CHD7: variants seen among roughly 807,000 people sequenced by gnomAD.
CHD7 encodes the protein chromodomain helicase DNA binding protein 7.
In CHD7, 24 loss-of-function variants were observed where a neutral mutation model predicts 307.3. That is an observed-to-expected ratio of 0.08 (90% CI 0.06 to 0.11). The LOEUF is 0.11. Ranked by LOEUF, CHD7 falls within the 10% of genes least tolerant of loss-of-function variation. CHD7 has a pLI of 1.00. For synonymous variants in CHD7, 1,363 were observed against 1,349.9 expected (o/e 1.01, Z -0.21); for missense variants, 3,106 against 3,727.1 (o/e 0.83, Z 4.34).
intron 1 of CHD7, among the ~76,000 whole-genome samples, chr8:60,715,816 C>A (rs541966617): frequency 2.0e-5 from 3 of 152,170 alleles, no homozygotes; most frequent in Admixed American, 1.3e-4. Flanking sequence ...TGGAAAAAAA[C>A]CCTAAACTTG....
intron 2 of CHD7, among the ~76,000 whole-genome samples, chr8:60,747,138 G>A (rs182964260): frequency 3.3e-5 from 5 of 152,258 alleles, no homozygotes; most frequent in African/African-American, 1.2e-4. Flanking sequence ...GGGCAGTGGC[G>A]CGTTCTTGGC....
intron 2 of CHD7, among the ~76,000 whole-genome samples, chr8:60,750,061 A>T (rs1402509374): frequency 6.6e-6 from 1 of 152,232 alleles, no homozygotes; most frequent in Non-Finnish European, 1.5e-5. Flanking sequence ...CATAGTCTGA[A>T]AGCATGAATG....
At chr8:60,779,620 G>A (rs912261655) in intron 2 of CHD7, among the ~76,000 whole-genome samples, 2 of 152,148 alleles carry the variant, frequency 1.3e-5, no homozygotes, top group Non-Finnish European at 1.5e-5. Context: ...TATTGGAATC[G>A]AATTTACAGT....
At chr8:60,740,518 G>A (rs989678070) in intron 1 of CHD7, among the ~76,000 whole-genome samples, 2 of 152,172 alleles carry the variant, frequency 1.3e-5, no homozygotes, top group Non-Finnish European at 2.9e-5. Context: ...AGCCATGAGT[G>A]AAATTGGTCG....
intron 2 of CHD7, among the ~76,000 whole-genome samples, chr8:60,746,094 C>T (rs1002825792): frequency 1.3e-5 from 2 of 152,080 alleles, no homozygotes; most frequent in African/African-American, 2.4e-5. Flanking sequence ...GAGTCAGTGG[C>T]GCAATCTTGG....
chr8:60,757,393 T>G (rs1432084543), intron 2 of CHD7, among the ~76,000 whole-genome samples: 2 of 152,220 alleles, frequency 1.3e-5, no homozygotes, highest in Admixed American at 6.5e-5. Flanking sequence ...CTTTTTTGTC[T>G]CCTAAGAGAA....
chr8:60,781,481 T>C, intron 3 of CHD7, 51 bp downstream of exon 3: 1 of 1,476,784 alleles, frequency 6.8e-7, no homozygotes. Flanking sequence ...GTACAGAAAT[T>C]AGCGCCAAAT....
chr8:60,729,914 AC>A (rs1308275625), intron 1 of CHD7, among the ~76,000 whole-genome samples: 2 of 152,238 alleles, frequency 1.3e-5, no homozygotes, highest in African/African-American at 4.8e-5. Flanking sequence ...AAGTTTACTT[AC>A]AAGTTAGATT....
At chr8:60,761,467 A>G (rs962081855) in intron 2 of CHD7, among the ~76,000 whole-genome samples, 1 of 152,070 alleles carries the variant, frequency 6.6e-6, no homozygotes, top group Admixed American at 6.6e-5. Context: ...CATTGTGCAC[A>G]TGTACCCTAA....
intron 2 of CHD7, among the ~76,000 whole-genome samples, chr8:60,744,893 C>T (rs573545192): frequency 4.7e-5 from 7 of 150,410 alleles, no homozygotes; most frequent in Admixed American, 1.3e-4. Context: ...TTTAGATTCA[C>T]GCAGGCATTT....
In CHD7 at chr8:60,832,502, A is replaced by G. The variant is rs555257610; in HGVS notation, c.3778+1925A>G. 6.6e-5 allele frequency among the ~76,000 whole-genome samples: 10 copies of G among 152,310 alleles called. No homozygotes were observed. In the South Asian group the frequency reaches 1.9e-3, roughly 28 times the overall value. On this transcript the variant is annotated intron_variant, in intron 15 of 37. Transcript: ENST00000423902. ...GGCGAGACAGAGCTTAGGGCAACTG[A>G]TGGAGCGAGATGAGGACACGTGTGT...
chr8:60,828,872 T>C (rs1454683838), intron 14 of CHD7, 66 bp downstream of exon 14: 1 of 1,415,734 alleles, frequency 7.1e-7, no homozygotes, highest in Admixed American at 1.9e-5. Flanking sequence ...AATGGCAAAG[T>C]ATTAAGTTAT....
intron 34 of CHD7, among the ~76,000 whole-genome samples, chr8:60,859,444 T>C (rs1805863667): frequency 6.6e-6 from 1 of 152,242 alleles, no homozygotes; most frequent in Non-Finnish European, 1.5e-5. Flanking sequence ...TGACAAGTGC[T>C]TGCACTGGAG....
intron 8 of CHD7, among the ~76,000 whole-genome samples, chr8:60,816,728 C>T (rs950148080): frequency 6.6e-6 from 1 of 152,040 alleles, no homozygotes; most frequent in South Asian, 2.1e-4. Flanking sequence ...GTGGAAATAG[C>T]GGTGATGGTA....
intron 1 of CHD7, among the ~76,000 whole-genome samples, chr8:60,704,978 A>G (rs548887639): frequency 7.2e-5 from 11 of 152,304 alleles, no homozygotes; most frequent in Non-Finnish European, 1.5e-4. Context: ...CCAGTCACCA[A>G]CATGTAGGCT....
At position 60,743,013 on chromosome 8, in the gene CHD7, T is replaced by G; in HGVS notation, c.1581T>G (p.Ser527=). 1 of 1,613,770 alleles carries G rather than the reference T, an allele frequency of 6.2e-7. No homozygotes were observed. The highest frequency in any genetic ancestry group is 2.2e-5 in the East Asian group (1 of 44,886). Residue 527 remains serine (S), a synonymous_variant, in exon 2 of 38, where the codon TCT becomes TCG. Coordinates refer to ENST00000423902, the MANE Select transcript of CHD7 (RefSeq NM_017780.4). ...LQPHPGLHHQ[S]SPPHPHHQPW... is the part of the protein sequence containing the mutation. Reference sequence around the variant, plus strand: ...CTCACCCGGGCTTGCACCACCAGTCTTCACCTCCACACCCTCATCACCAGC... The same window carrying G: ...CTCACCCGGGCTTGCACCACCAGTCGTCACCTCCACACCCTCATCACCAGC...
At chr8:60,848,687 C>T in intron 24 of CHD7, 83 bp downstream of exon 24, 1 of 1,056,534 alleles carries the variant, frequency 9.5e-7, no homozygotes, top group Non-Finnish European at 1.4e-6. Flanking sequence ...GTTTCAGAAC[C>T]TTCATAAACC....
chr8:60,790,436 T>C (rs1003901614), intron 3 of CHD7, among the ~76,000 whole-genome samples: 3 of 152,242 alleles, frequency 2.0e-5, no homozygotes, highest in Admixed American at 1.3e-4. Context: ...GATGGTATTC[T>C]TTTCTGTTGG....
intron 2 of CHD7, among the ~76,000 whole-genome samples, chr8:60,774,984 T>C (rs544381646): frequency 1.3e-5 from 2 of 152,250 alleles, no homozygotes; most frequent in South Asian, 4.1e-4. Context: ...ACATGACTGC[T>C]TGGTTCATTA....
Sources: allele counts gnomAD v4.1 joint callset (sites outside exome capture counted in the v4.1 genomes callset), GRCh38; gene constraint gnomAD v4.1.1; transcripts MANE v1.5; gene names NCBI Gene and HGNC (gene_info 2026-07-23, HGNC 2026-07-21).